Variants in C1S observed in about 807,000 individuals in gnomAD.
C1S encodes complement C1s subcomponent.
C1S carries 31 observed loss-of-function variants against 54.0 expected under a neutral mutation model. The observed-to-expected ratio is 0.57, with a 90% confidence interval of 0.43 to 0.78. The LOEUF (loss-of-function observed/expected upper bound fraction) is 0.78, where lower values mean the gene tolerates loss of function less well. Among genes scored for constraint, C1S ranks in the 30% least tolerant of loss-of-function variants. C1S has a pLI of 0.00. For missense variants in C1S, 727 were observed against 851.8 expected, an observed-to-expected ratio of 0.85 and a Z score of 1.82; for synonymous variants, 292 against 303.6, an observed-to-expected ratio of 0.96 and a Z score of 0.40.
rs1555161330 is a variant in C1S, at chr12:7,061,950, A to G, written c.5+33A>G. 4 of 1,610,016 alleles carry G rather than the reference A, an allele frequency of 2.5e-6. No homozygotes were observed. In the South Asian group the frequency reaches 4.4e-5, roughly 18 times the overall value. ...ATCAAGGGTCCCTGAGATGACACAG[A>G]CTCCATTCCCTTCATCTTCTCAAGA... On this transcript the variant is annotated intron_variant, in intron 2 of 11. Transcript: ENST00000360817.
intron 1 of C1S, 75 bp from the exon 2 acceptor site, chr12:7,061,764 C>T: frequency 1.3e-6 from 1 of 792,362 alleles, no homozygotes; most frequent in Non-Finnish European, 2.2e-6. Context: ...GACACTGAGC[C>T]CCAGGTGACG....
intron 7 of C1S, chr12:7,066,285 A>T: frequency 3.2e-6 from 2 of 621,374 alleles, no homozygotes; most frequent in Non-Finnish European, 5.7e-6. Context: ...AACGGTTGCT[A>T]GAAATGCCTC....
At chr12:7,062,346 A>C in intron 2 of C1S, 129 bp from the exon 3 acceptor site, 1 of 740,994 alleles carries the variant, frequency 1.3e-6, no homozygotes. Flanking sequence ...ATTCCGACCT[A>C]AGATTCTCCC....
At chr12:7,069,370 G>A (rs1412996544) in intron 11 of C1S, among the ~76,000 whole-genome samples, 2 of 152,158 alleles carry the variant, frequency 1.3e-5, no homozygotes, top group Non-Finnish European at 2.9e-5. Context: ...TTACTAGGAG[G>A]GACTCAGGTG....
At position 7,062,679 on chromosome 12, in the gene C1S, G is replaced by A. The variant is rs1565619523; in HGVS notation, c.210G>A (p.Val70=). 1 of 1,612,628 alleles carries A rather than the reference G, an allele frequency of 6.2e-7. No individual in the cohort carries two copies. The highest frequency in any genetic ancestry group is 8.5e-7 in the Non-Finnish European group (1 of 1,178,994). ...CAGAGAACTGTGCGTATGACTCAGT[G>A]CAGGTATGTTATAAGCACAAAAAGA... ...ELSENCAYDS[V]QIISGDTEEG... The change falls in exon 3 of 12, where the codon GTG becomes GTA. Residue 70 remains valine, a synonymous_variant. Coordinates refer to ENST00000360817, the MANE Select transcript of C1S (RefSeq NM_001734.5).
chr12:7,066,207 A>G, intron 7 of C1S: 1 of 609,778 alleles, frequency 1.6e-6, no homozygotes, highest in East Asian at 2.8e-5. Context: ...TAATTTAAAA[A>G]ACAGATAGAT....
Position 7,062,679 on chromosome 12 carries a change from GCA to G in C1S, c.211_212del (p.Gln71AspfsTer7). 1.2e-6 allele frequency: 2 copies of G among 1,612,628 alleles called. No homozygotes were observed. The stretch of plus-strand genomic sequence containing the variant: ...CAGAGAACTGTGCGTATGACTCAGT[GCA>G]GGTATGTTATAAGCACAAAAAGAAT... ...LSENCAYDSV[Q>X]IISGDTEEGR... On this transcript the variant is annotated frameshift_variant and splice_region_variant, in exon 3 of 12. Transcript: ENST00000360817. LOFTEE classifies it high-confidence loss of function.
At position 7,070,664 on chromosome 12, in the gene C1S, C is replaced by A. The variant is rs1162058764; in HGVS notation, c.*13C>A. Reference sequence around the variant, plus strand: ...CCGTGAGGACTAATCCAGATACATCCCACCAGCCTCTCCAAGGGTGGTGAC... The same window carrying A: ...CCGTGAGGACTAATCCAGATACATCACACCAGCCTCTCCAAGGGTGGTGAC... On this transcript the variant is annotated 3_prime_UTR_variant, in exon 12 of 12. Transcript: ENST00000360817. The surrounding 1 kb of genome is among the most constrained non-coding windows in gnomAD (Gnocchi z 4.9). 1 of 1,607,974 alleles carries A rather than the reference C, an allele frequency of 6.2e-7. No individual in the cohort carries two copies.
At chr12:7,067,225 T>C (rs1937690917) in intron 9 of C1S, 108 bp downstream of exon 9, 2 of 863,920 alleles carry the variant, frequency 2.3e-6, no homozygotes, top group Non-Finnish European at 3.9e-6. Flanking sequence ...TGTGAGGGAG[T>C]GGGTTGGGTT....
intron 9 of C1S, chr12:7,067,399 C>G (rs781880728): frequency 8.6e-5 from 56 of 650,604 alleles, no homozygotes; most frequent in African/African-American, 7.9e-4. Flanking sequence ...CTTCACCAAC[C>G]ACTGAGAACC....
intron 1 of C1S, 52 bp from the exon 2 acceptor site, chr12:7,061,787 A>C: frequency 1.9e-6 from 2 of 1,027,756 alleles, no homozygotes; most frequent in Non-Finnish European, 3.1e-6. Context: ...GCACCACCAA[A>C]GAAGGTGCTT....
chr12:7,066,327 A>T, intron 7 of C1S, 191 bp from the exon 8 acceptor site: 1 of 667,096 alleles, frequency 1.5e-6, no homozygotes, highest in Non-Finnish European at 2.7e-6. Context: ...TAGACCTGAG[A>T]CTGCAGACAG....
At chr12:7,063,201 T>C in intron 4 of C1S, 134 bp downstream of exon 4, 1 of 798,396 alleles carries the variant, frequency 1.3e-6, no homozygotes, top group Non-Finnish European at 2.0e-6. Flanking sequence ...CCTGGGTCGC[T>C]CCATAAATCA....
chr12:7,065,286 T>C lies in C1S; in HGVS notation c.704T>C (p.Leu235Pro), dbSNP rs1166653575. 1 of 1,612,698 alleles carries C rather than the reference T, an allele frequency of 6.2e-7. No individual in the cohort carries two copies. The highest frequency in any genetic ancestry group is 8.5e-7 in the Non-Finnish European group (1 of 1,178,782). ...VEAADSAGNC[L>P]DSLVFVAGDR... ...GCAGCTGACTCAGCGGGAAACTGCC[T>C]TGACAGTTTAGTTGTGCGTGATGGT... The change falls in exon 6 of 12, where the codon CTT becomes CCT. Residue 235 changes from leucine to proline, a missense_variant. Transcript: ENST00000360817.
intron 4 of C1S, 34 bp from the exon 5 acceptor site, chr12:7,064,232 TG>T: frequency 2.5e-6 from 4 of 1,613,250 alleles, no homozygotes; most frequent in Non-Finnish European, 3.4e-6. Flanking sequence ...TCTTGGTGTT[TG>T]TTCTTGACCT....
At chr12:7,063,362 C>T (rs1445663357) in intron 4 of C1S, 8 of 498,410 alleles carry the variant, frequency 1.6e-5, no homozygotes, top group Non-Finnish European at 2.3e-5. Context: ...TTAACACAAT[C>T]GTCACTTTAA....
rs1225944484 is a variant in C1S at position 7,069,838 on chromosome 12, G to A, written c.1271-17G>A. On this transcript the variant is annotated splice_polypyrimidine_tract_variant and intron_variant, in intron 11 of 11. Coordinates refer to ENST00000360817, the MANE Select transcript of C1S (RefSeq NM_001734.5). Reference sequence around the variant, plus strand: ...TCATTTCTTCCTCCTTCCCTGTGTTGTTTTATTCCTTCCTAGTCTGTGGAG... The same window carrying A: ...TCATTTCTTCCTCCTTCCCTGTGTTATTTTATTCCTTCCTAGTCTGTGGAG... The A allele has an allele frequency of 1.2e-6, 2 of 1,605,250 alleles. No homozygotes were observed. The highest frequency in any genetic ancestry group is 1.7e-6 in the Non-Finnish European group (2 of 1,172,016).
rs782304935 is a variant in C1S, at chr12:7,061,861, A to G, written c.-52A>G. 3.1e-6 allele frequency: 5 copies of G among 1,613,096 alleles called. No individual in the cohort carries two copies. Among genetic ancestry groups the G allele is most frequent in the East Asian group, 4.5e-5 (2 of 44,868 alleles). ...TAGGCTCCAAAGTCCGGAGGTGCAG[A>G]AAGCCAGGACCAAGAGACAGGCAGC... is the stretch of plus-strand genomic sequence containing the variant. On this transcript the variant is annotated 5_prime_UTR_variant, in exon 2 of 12. Transcript: ENST00000360817.
intron 10 of C1S, 78 bp downstream of exon 10, chr12:7,067,849 A>G (rs1555162571): frequency 6.8e-7 from 1 of 1,462,372 alleles, no homozygotes; most frequent in African/African-American, 1.4e-5. Context: ...TGTGCCAGAG[A>G]CAGAGTTTGG....
Sources: gnomAD v4.1 joint callset for allele counts (sites outside exome capture counted in the v4.1 genomes callset) on GRCh38, gnomAD v4.1.1 for gene constraint, Gnocchi (gnomAD v3.1) non-coding constraint, MANE v1.5 for transcripts, NCBI Gene and HGNC (gene_info 2026-07-23, HGNC 2026-07-21) for gene names.